The following MGAT4A variants were observed in gnomAD, a reference collection of about 807,000 sequenced individuals.
MGAT4A encodes the protein N-acetylglucosaminyltransferase IVa.
Under a neutral mutation model 74.1 loss-of-function variants are expected in MGAT4A, and 33 were observed. The ratio of observed to expected loss-of-function variants is 0.45; its 90% confidence interval spans 0.34 to 0.60. The LOEUF (loss-of-function observed/expected upper bound fraction) is 0.60. Ranked by LOEUF, MGAT4A falls within the 20% of genes least tolerant of loss-of-function variation. MGAT4A has a pLI of 0.02. For missense variants in MGAT4A, 479 were observed against 628.3 expected, an observed-to-expected ratio of 0.76 and a Z score of 2.54; for synonymous variants, 198 against 210.4, an observed-to-expected ratio of 0.94 and a Z score of 0.51.
At chr2:98,705,770 C>T (rs1702417739) in intron 2 of MGAT4A, among the ~76,000 whole-genome samples, 1 of 151,662 alleles carries the variant, frequency 6.6e-6, no homozygotes. Context: ...GGTGAAACCC[C>T]GTCTCTACTA....
intron 2 of MGAT4A, among the ~76,000 whole-genome samples, chr2:98,721,243 T>C (rs1167169003): frequency 1.3e-5 from 2 of 152,134 alleles, no homozygotes; most frequent in Non-Finnish European, 2.9e-5. Flanking sequence ...AAACAAAAAC[T>C]GAGGGAATTC....
rs187840621 is a variant in MGAT4A, at chr2:98,723,462, G to C, written c.94+2777C>G. On this transcript the variant is annotated intron_variant, in intron 2 of 15. Transcript: ENST00000393487. ...AAAACCTTTGCCCCATCCTTGCTTG[G>C]GGCTGACACCATTTTAGGCCTCAGC... Among the ~76,000 whole-genome samples, 58 of 152,162 alleles carry C rather than the reference G, an allele frequency of 3.8e-4. No homozygotes were observed. In the South Asian group the frequency reaches 8.1e-3, roughly 21 times the overall value.
chr2:98,655,107 A>C (rs975423682), intron 8 of MGAT4A, among the ~76,000 whole-genome samples: 1 of 152,198 alleles, frequency 6.6e-6, no homozygotes, highest in Non-Finnish European at 1.5e-5. Flanking sequence ...TTGTAAGAAA[A>C]TTCCTCTTTA....
intron 2 of MGAT4A, among the ~76,000 whole-genome samples, chr2:98,706,530 A>G (rs1256004023): frequency 1.3e-5 from 2 of 151,666 alleles, no homozygotes; most frequent in Non-Finnish European, 2.9e-5. Flanking sequence ...GGGTTTCACC[A>G]TGTTGGCCAG....
rs531739722 is a variant in MGAT4A, at chr2:98,676,154, G to T, written c.263-979C>A. ...CTTAGAAAAAAGCAAGCTAGCAGTA[G>T]GAATTTGTTACCTCAACTTCATTAA... On this transcript the variant is annotated intron_variant, in intron 3 of 15. Coordinates refer to ENST00000393487, the MANE Select transcript of MGAT4A (RefSeq NM_012214.3). Among the ~76,000 whole-genome samples, 10 of 152,106 alleles carry T rather than the reference G, an allele frequency of 6.6e-5. No individual in the cohort carries two copies. The East Asian group carries it at 1.9e-3, about 29-fold the overall frequency.
At chr2:98,678,249 A>AAAAAATATATAT (rs67023324) in intron 3 of MGAT4A, 55 bp downstream of exon 3, 29 of 263,828 alleles carry the variant, frequency 1.1e-4, no homozygotes, top group South Asian at 5.4e-4. Flanking sequence ...AAAAAAAAAA[A>AAAAAATATATAT]ATATATATAT....
chr2:98,674,393 G>A (rs56305624), intron 4 of MGAT4A, among the ~76,000 whole-genome samples: 33,088 of 152,108 alleles, frequency 0.22, 4,403 homozygotes, highest in Non-Finnish European at 0.3. Context: ...CGGCTCTTGG[G>A]CTGCTTGCTC....
chr2:98,663,254 AT>A (rs1164444583), intron 4 of MGAT4A, 75 bp from the exon 5 acceptor site: 1 of 1,530,416 alleles, frequency 6.5e-7, no homozygotes, highest in African/African-American at 1.4e-5. Flanking sequence ...TTTCAAAAGT[AT>A]TATACCCTCT....
chr2:98,730,390 CATT>C (rs1250456759), intron 1 of MGAT4A: 11 of 152,230 alleles, frequency 7.2e-5, no homozygotes, highest in Admixed American at 3.3e-4. Context: ...GCAGCTTCCT[CATT>C]ACGGAGAGAG....
chr2:98,660,418 GCACACACACACACACA>G (rs534943882), intron 5 of MGAT4A, among the ~76,000 whole-genome samples: 62,298 of 141,606 alleles, frequency 0.44, 13,575 homozygotes, highest in South Asian at 0.55. Flanking sequence ...ACACGCACGC[GCACACACACACACACA>G]CACACACACA....
chr2:98,699,229 C>T (rs990647660), intron 2 of MGAT4A, among the ~76,000 whole-genome samples: 4 of 152,212 alleles, frequency 2.6e-5, no homozygotes, highest in Admixed American at 2.0e-4. Context: ...GCTATTACTG[C>T]GGGCTGGTCA....
rs566885470 is a variant in MGAT4A at position 98,681,147 on chromosome 2, T to C, written c.95-2676A>G. ...ACAGGCGCCCGCCACCATGCCCGGC[T>C]AATTTTTCTATTTTTAGTAGAGATG... is the stretch of plus-strand genomic sequence containing the variant. On this transcript the variant is annotated intron_variant, in intron 2 of 15. Coordinates refer to ENST00000393487, the MANE Select transcript of MGAT4A (RefSeq NM_012214.3). Among the ~76,000 whole-genome samples, 9 of 152,266 alleles carry C rather than the reference T, an allele frequency of 5.9e-5. No homozygotes were observed. In the South Asian group the frequency reaches 1.0e-3, roughly 18 times the overall value.
intron 2 of MGAT4A, among the ~76,000 whole-genome samples, chr2:98,678,991 G>T (rs1702016841): frequency 6.6e-6 from 1 of 152,124 alleles, no homozygotes; most frequent in Non-Finnish European, 1.5e-5. Context: ...CCCTAGGCTA[G>T]ACTTTGGTCA....
Position 98,678,426 on chromosome 2 carries a change from C to A in MGAT4A, c.140G>T (p.Arg47Leu). ...YQREFLALKE[R>L]LRIAEHRISQ... ...GATTCTGTGTTCAGCTATTCGAAGA[C>A]GTTCTTTCAAAGCAAGGAATTCTCG... Residue 47 changes from arginine (R) to leucine (L), a missense_variant, in exon 3 of 16, where the codon CGT (arginine) becomes CTT (leucine). Around this residue, in one of 3 missense-constraint regions of MGAT4A, gnomAD observed 205 missense variants for 232.7 expected, o/e 0.88. Transcript: ENST00000393487. The A allele has an allele frequency of 6.3e-7, 1 of 1,588,750 alleles. No individual in the cohort carries two copies. Among genetic ancestry groups the A allele is most frequent in the Non-Finnish European group, 8.6e-7 (1 of 1,163,494 alleles).
intron 2 of MGAT4A, among the ~76,000 whole-genome samples, chr2:98,698,149 C>T (rs1173386542): frequency 6.6e-6 from 1 of 152,126 alleles, no homozygotes; most frequent in Admixed American, 6.5e-5. Flanking sequence ...TGGCTCATGC[C>T]TATAAAAAAA....
chr2:98,700,751 C>T (rs1217572828), intron 2 of MGAT4A, among the ~76,000 whole-genome samples: 5 of 151,968 alleles, frequency 3.3e-5, no homozygotes, highest in East Asian at 3.9e-4. Context: ...ATTAGCCAGC[C>T]GTGGTGGCGG....
intron 4 of MGAT4A, among the ~76,000 whole-genome samples, chr2:98,665,148 T>G (rs1282761322): frequency 2.0e-5 from 3 of 151,872 alleles, no homozygotes; most frequent in Non-Finnish European, 4.4e-5. Context: ...GCTAACACGG[T>G]GAAACCCTGT....
intron 2 of MGAT4A, among the ~76,000 whole-genome samples, chr2:98,710,078 A>G (rs1702495387): frequency 6.6e-6 from 1 of 152,222 alleles, no homozygotes; most frequent in Non-Finnish European, 1.5e-5. Flanking sequence ...AACAACAGGA[A>G]CACTTTTGTC....
intron 8 of MGAT4A, among the ~76,000 whole-genome samples, chr2:98,649,426 G>A (rs1483302842): frequency 1.3e-5 from 2 of 152,188 alleles, no homozygotes; most frequent in Middle Eastern, 3.4e-3. Context: ...CTCAATTCCC[G>A]ACTTCTCCCT....
Sources: gnomAD v4.1 joint callset for allele counts (sites outside exome capture counted in the v4.1 genomes callset) on GRCh38, gnomAD v4.1.1 for gene constraint, gnomAD v4.1.1 regional missense constraint, MANE v1.5 for transcripts, NCBI Gene and HGNC (gene_info 2026-07-23, HGNC 2026-07-21) for gene names.